Variants in HMOX2 observed in about 807,000 individuals in gnomAD.
The protein encoded by HMOX2 is heme oxygenase 2.
A neutral mutation model predicts 33.7 loss-of-function variants in HMOX2; 30 were observed. That is an observed-to-expected ratio of 0.89 (90% CI 0.67 to 1.21). HMOX2 has a LOEUF of 1.21. HMOX2 is among the 50% of genes most tolerant of loss of function. The probability of loss-of-function intolerance (pLI) is 0.00; values close to 1 mark genes in which losing one functional copy is unlikely to be tolerated. For missense variants in HMOX2, 403 were observed against 399.1 expected, an observed-to-expected ratio of 1.01 and a Z score of -0.08; for synonymous variants, 155 against 155.0, an observed-to-expected ratio of 1.00 and a Z score of 0.00.
At chr16:4,496,208 C>T (rs1228075850) in intron 1 of HMOX2, 4 of 152,208 alleles carry the variant, frequency 2.6e-5, no homozygotes, top group African/African-American at 9.7e-5. Context: ...ATTGCAGCCT[C>T]CACCTCCTGG....
At chr16:4,496,650 G>A (rs923003070) in intron 1 of HMOX2, 1 of 152,134 alleles carries the variant, frequency 6.6e-6, no homozygotes, top group Non-Finnish European at 1.5e-5. Flanking sequence ...CTCAAGTTTA[G>A]TCTCAACTTG....
At chr16:4,475,712 T>C (rs975303820), upstream of HMOX2, among the ~76,000 whole-genome samples, 22 of 151,040 alleles carry the variant, frequency 1.5e-4, no homozygotes, top group Non-Finnish European at 2.5e-4. Context: ...CCGAGGCGGG[T>C]GGATCACCTG....
At chr16:4,507,281 C>T (rs1236632481) in intron 3 of HMOX2, among the ~76,000 whole-genome samples, 2 of 151,982 alleles carry the variant, frequency 1.3e-5, no homozygotes, top group Non-Finnish European at 2.9e-5. Context: ...CCTGTCTCTA[C>T]TAAGAATACA....
intron 1 of HMOX2, among the ~76,000 whole-genome samples, chr16:4,479,758 T>TTTTTTTTA: frequency 1.0e-5 from 1 of 98,422 alleles, no homozygotes; most frequent in Non-Finnish European, 2.0e-5. Flanking sequence ...TTTTTTTTTT[T>TTTTTTTTA]GAGACAGTCT....
chr16:4,509,547 G>T lies in HMOX2; in HGVS notation c.823+9G>T. ...TGCTGAACAAGACAAAGGTAGGTCT[G>T]TGTGTCCTGAGCTCCCCTCCTGGGG... On this transcript the variant is annotated intron_variant, in intron 5 of 5. Coordinates refer to ENST00000570646, the MANE Select transcript of HMOX2 (RefSeq NM_002134.4). 1 of 1,614,174 alleles carries T rather than the reference G, an allele frequency of 6.2e-7. No homozygotes were observed. Among genetic ancestry groups the T allele is most frequent in the Non-Finnish European group, 8.5e-7 (1 of 1,180,028 alleles).
chr16:4,485,731 G>T (rs1161242610), intron 1 of HMOX2, among the ~76,000 whole-genome samples: 1 of 151,956 alleles, frequency 6.6e-6, no homozygotes, highest in Admixed American at 6.6e-5. Flanking sequence ...TTTTATTTTT[G>T]TTTTTGTTTT....
chr16:4,508,284 G>A (rs2058746715), intron 4 of HMOX2, 80 bp downstream of exon 4: 1 of 1,444,742 alleles, frequency 6.9e-7, no homozygotes, highest in South Asian at 1.3e-5. Context: ...GGCCCATGAA[G>A]GCACACATGG....
chr16:4,475,298 T>G (rs761867098), upstream of HMOX2, among the ~76,000 whole-genome samples: 131 of 151,362 alleles, frequency 8.7e-4, no homozygotes, highest in Non-Finnish European at 1.6e-3. Flanking sequence ...ATTTCAGTTT[T>G]TTTTTGTTTT....
chr16:4,483,225 T>TGTGTGTGTG (rs2058078289), intron 1 of HMOX2, among the ~76,000 whole-genome samples: 1 of 114,638 alleles, frequency 8.7e-6, no homozygotes, highest in Admixed American at 9.5e-5. Context: ...GTGTGTGTGT[T>TGTGTGTGTG]TATGGAGGCT....
Position 4,479,035 on chromosome 16 carries a change from C to A in HMOX2, c.-42+2548C>A, listed in dbSNP as rs148309383. 5.0e-3 allele frequency among the ~76,000 whole-genome samples: 751 copies of A among 150,576 alleles called. 2 individuals carry two copies. The highest frequency in any genetic ancestry group is 0.014 in the Middle Eastern group (4 of 284). On this transcript the variant is annotated intron_variant, in intron 1 of 5. Coordinates refer to ENST00000570646, the MANE Select transcript of HMOX2 (RefSeq NM_002134.4). ...CCTTGCAAAAAGTAGCCTGTAATCC[C>A]AGCTACTCGGGAGGCTGAGCAAGGA...
chr16:4,481,465 A>C (rs2058030786), intron 1 of HMOX2, among the ~76,000 whole-genome samples: 1 of 152,094 alleles, frequency 6.6e-6, no homozygotes, highest in Non-Finnish European at 1.5e-5. Context: ...CATAATTTTT[A>C]TGCGAAACAC....
At chr16:4,481,696 T>G (rs1264370714) in intron 1 of HMOX2, 1 of 152,250 alleles carries the variant, frequency 6.6e-6, no homozygotes, top group Non-Finnish European at 1.5e-5. Flanking sequence ...GAGCAAGATC[T>G]TATCTTTCTT....
chr16:4,475,242 C>T (rs573003144), upstream of HMOX2, among the ~76,000 whole-genome samples: 2 of 152,110 alleles, frequency 1.3e-5, no homozygotes, highest in South Asian at 2.1e-4. Flanking sequence ...TGGGAGCCAC[C>T]GTGCCCAGCC....
intron 1 of HMOX2, 101 bp downstream of exon 1, chr16:4,476,588 G>A (rs1293118477): frequency 1.3e-5 from 2 of 152,300 alleles, no homozygotes; most frequent in Admixed American, 1.3e-4. Flanking sequence ...TTCGGACCTG[G>A]GCTTGGCCGG....
chr16:4,492,725 AAAC>A (rs1361329883), intron 1 of HMOX2, among the ~76,000 whole-genome samples: 12 of 151,210 alleles, frequency 7.9e-5, no homozygotes, highest in African/African-American at 2.7e-4. Context: ...CTCAAAAACA[AAAC>A]AACAACAACA....
chr16:4,509,548 T>C lies in HMOX2; in HGVS notation c.823+10T>C, dbSNP rs774990404. On this transcript the variant is annotated intron_variant, in intron 5 of 5. Transcript: ENST00000570646. The stretch of plus-strand genomic sequence containing the variant: ...GCTGAACAAGACAAAGGTAGGTCTG[T>C]GTGTCCTGAGCTCCCCTCCTGGGGC... The C allele has an allele frequency of 5.6e-6, 9 of 1,614,160 alleles. No individual in the cohort carries two copies. The Admixed American group carries it at 1.0e-4, about 18-fold the overall frequency.
At chr16:4,475,594 G>A (rs2057798311), upstream of HMOX2, among the ~76,000 whole-genome samples, 1 of 151,868 alleles carries the variant, frequency 6.6e-6, no homozygotes, top group Non-Finnish European at 1.5e-5. Context: ...TTACAGACAT[G>A]AGCCACCACA....
chr16:4,477,029 A>G (rs1329119076), intron 1 of HMOX2, among the ~76,000 whole-genome samples: 7 of 152,100 alleles, frequency 4.6e-5, no homozygotes, highest in Non-Finnish European at 1.0e-4. Flanking sequence ...GAACCCTGGT[A>G]CGCCCTGGAG....
intron 1 of HMOX2, among the ~76,000 whole-genome samples, chr16:4,485,220 C>T (rs1432045634): frequency 6.6e-5 from 10 of 152,126 alleles, no homozygotes; most frequent in Non-Finnish European, 7.4e-5. Flanking sequence ...CCCACCTCCA[C>T]GTCCCAAAGT....
Sources: gnomAD v4.1 joint callset for allele counts (sites outside exome capture counted in the v4.1 genomes callset) on GRCh38, gnomAD v4.1.1 for gene constraint, MANE v1.5 for transcripts, NCBI Gene and HGNC (gene_info 2026-07-23, HGNC 2026-07-21) for gene names.